Variants in GTF2IRD1 observed in about 807,000 individuals in gnomAD.
The protein encoded by GTF2IRD1 is general transcription factor II-I repeat domain-containing protein 1.
A neutral mutation model predicts 113.2 loss-of-function variants in GTF2IRD1; 26 were observed. That is an observed-to-expected ratio of 0.23 (90% CI 0.17 to 0.32). The LOEUF (loss-of-function observed/expected upper bound fraction) is 0.32, where lower values mean the gene tolerates loss of function less well. Ranked by LOEUF, GTF2IRD1 falls within the 10% of genes least tolerant of loss-of-function variation. The pLI is 1.00. For synonymous variants in GTF2IRD1, 484 were observed against 529.1 expected (o/e 0.91, Z 1.17); for missense variants, 864 against 1,280.8 (o/e 0.67, Z 4.97).
chr7:74,536,972 G>A lies in GTF2IRD1; in HGVS notation c.1409+697G>A, dbSNP rs1180937467. On this transcript the variant is annotated intron_variant, in intron 11 of 26. Transcript: ENST00000424337. ...ACAAAAAATAAAAAGTTAGCTGGGC[G>A]TGGTGGCTGGTACCTGTGGTCCCAG... is the stretch of plus-strand genomic sequence containing the variant. Among the ~76,000 whole-genome samples the A allele has an allele frequency of 7.9e-5, 12 of 152,196 alleles. No individual in the cohort carries two copies. The South Asian group carries it at 2.1e-3, about 26-fold the overall frequency.
intron 1 of GTF2IRD1, among the ~76,000 whole-genome samples, chr7:74,498,359 T>C (rs1233356789): frequency 6.6e-6 from 1 of 152,178 alleles, no homozygotes; most frequent in Non-Finnish European, 1.5e-5. Context: ...CCCTTACCGA[T>C]ATACTATTTA....
chr7:74,560,090 G>A (rs1351505707), intron 22 of GTF2IRD1, among the ~76,000 whole-genome samples: 1 of 152,174 alleles, frequency 6.6e-6, no homozygotes, highest in Non-Finnish European at 1.5e-5. Context: ...CTAGGCCTCT[G>A]CCCTTCTGTT....
chr7:74,571,007 C>T (rs1419236611), intron 22 of GTF2IRD1: 12 of 741,958 alleles, frequency 1.6e-5, no homozygotes, highest in Admixed American at 1.3e-4. Context: ...TCTCCCCGGA[C>T]CCAGGCCAGC....
At chr7:74,592,471 G>A (rs587678823) in intron 24 of GTF2IRD1, among the ~76,000 whole-genome samples, 108 of 151,146 alleles carry the variant, frequency 7.1e-4, no homozygotes, top group African/African-American at 2.4e-3. Flanking sequence ...CTCCCATGTC[G>A]GCCTTTCAAA....
intron 10 of GTF2IRD1, 107 bp downstream of exon 10, chr7:74,535,245 G>T: frequency 2.4e-6 from 2 of 848,744 alleles, no homozygotes; most frequent in African/African-American, 1.7e-5. Context: ...CTCCCCTCAG[G>T]CAGGGAGGGA....
rs1798547101 is a variant in GTF2IRD1, at chr7:74,540,079, GTAGAGGAAACCCAA to G, written c.1618+114_1618+127del. The stretch of plus-strand genomic sequence containing the variant: ...TGTTTCTTGGTGTCAGCCGTCTGTA[GTAGAGGAAACCCAA>G]TATATGCCTGACCCTAATCCAAGGC... On this transcript the variant is annotated intron_variant, in intron 14 of 26. Transcript: ENST00000424337. The G allele has an allele frequency of 5.4e-6, 4 of 741,430 alleles. No homozygotes were observed. The Admixed American group carries it at 9.1e-5, about 17-fold the overall frequency. The allele number at this position is 741,430 out of a possible 1,614,324, so 45.9% of individuals were successfully genotyped here.
At chr7:74,576,090 G>A (rs1801039952) in intron 22 of GTF2IRD1, among the ~76,000 whole-genome samples, 1 of 152,030 alleles carries the variant, frequency 6.6e-6, no homozygotes, top group Non-Finnish European at 1.5e-5. Flanking sequence ...GAGCTCAGGA[G>A]GTCAGGCTGC....
chr7:74,579,845 G>A (rs1200695433), intron 22 of GTF2IRD1, among the ~76,000 whole-genome samples: 1 of 152,072 alleles, frequency 6.6e-6, no homozygotes, highest in African/African-American at 2.4e-5. Flanking sequence ...GGCAGGCTGT[G>A]GTAGGGGATG....
At chr7:74,462,628 C>T (rs1554329644) in intron 1 of GTF2IRD1, among the ~76,000 whole-genome samples, 1 of 152,152 alleles carries the variant, frequency 6.6e-6, no homozygotes, top group African/African-American at 2.4e-5. Context: ...AGCTCGGGAC[C>T]CCCCAGAAGA....
rs1797858348 is a variant in GTF2IRD1 at position 74,529,904 on chromosome 7, TTCA to T, written c.1266_1268del (p.Ile423del). 6.2e-7 allele frequency: 1 copy of T among 1,613,148 alleles called. No homozygotes were observed. Among genetic ancestry groups the T allele is most frequent in the South Asian group, 1.1e-5 (1 of 91,070 alleles). On this transcript the variant is annotated inframe_deletion, in exon 9 of 27. Coordinates refer to ENST00000424337, the MANE Select transcript of GTF2IRD1 (RefSeq NM_005685.4). ...CCTGGAGGAGCGCCATAGTATCCAC[TTCA>T]TCATTAAGAGGTGCGGGTGGGGCTG...
Position 74,512,757 on chromosome 7 carries a change from C to T in GTF2IRD1, c.124-73C>T, listed in dbSNP as rs2130119719. On this transcript the variant is annotated intron_variant, in intron 2 of 26. Coordinates refer to ENST00000424337, the MANE Select transcript of GTF2IRD1 (RefSeq NM_005685.4). This position sits in a 1 kb window ranked among gnomAD's most constrained non-coding sequence, Gnocchi z 4.4. Reference sequence around the variant, plus strand: ...CAGGCAGCTGGGAGCTCACATCCCACCCCCGAAGTGGATACTAGAGGTGTT... The same window carrying T: ...CAGGCAGCTGGGAGCTCACATCCCATCCCCGAAGTGGATACTAGAGGTGTT... 2.1e-6 allele frequency: 3 copies of T among 1,454,134 alleles called. No homozygotes were observed. The highest frequency in any genetic ancestry group is 2.3e-5 in the East Asian group (1 of 43,560). 90.1% of individuals were successfully genotyped at this position (1,454,134 alleles called of 1,614,324 possible).
At chr7:74,544,334 C>T (rs1367361892) in intron 14 of GTF2IRD1, among the ~76,000 whole-genome samples, 1 of 152,046 alleles carries the variant, frequency 6.6e-6, no homozygotes, top group Non-Finnish European at 1.5e-5. Flanking sequence ...TACAGGCATG[C>T]GCCACCATGC....
At chr7:74,529,138 C>T (rs1310007577) in intron 8 of GTF2IRD1, among the ~76,000 whole-genome samples, 2 of 151,646 alleles carry the variant, frequency 1.3e-5, no homozygotes, top group African/African-American at 2.4e-5. Flanking sequence ...ACCAAGGGGG[C>T]GGCAGGGGTA....
At chr7:74,597,164 T>C (rs1802468422) in intron 25 of GTF2IRD1, among the ~76,000 whole-genome samples, 1 of 151,966 alleles carries the variant, frequency 6.6e-6, no homozygotes, top group Admixed American at 6.6e-5. Flanking sequence ...TGCCTCAGTT[T>C]CCCAAGTAGC....
chr7:74,538,634 C>T (rs782756734), intron 12 of GTF2IRD1, 46 bp from the exon 13 acceptor site: 13 of 1,072,246 alleles, frequency 1.2e-5, no homozygotes, highest in Non-Finnish European at 1.3e-5. Flanking sequence ...TCTGCCCAGT[C>T]GGGATCATGC....
chr7:74,484,009 C>T (rs1475785691), intron 1 of GTF2IRD1, among the ~76,000 whole-genome samples: 1 of 152,000 alleles, frequency 6.6e-6, no homozygotes, highest in African/African-American at 2.4e-5. Flanking sequence ...CTCCCAGGTG[C>T]AAAGACCCTC....
chr7:74,480,777 G>C (rs1336634597), intron 1 of GTF2IRD1, among the ~76,000 whole-genome samples: 1 of 152,214 alleles, frequency 6.6e-6, no homozygotes, highest in Non-Finnish European at 1.5e-5. Context: ...CGCCCCGGGG[G>C]ACGGGAGAGA....
intron 1 of GTF2IRD1, among the ~76,000 whole-genome samples, chr7:74,460,638 G>A (rs1015164458): frequency 1.4e-5 from 2 of 147,094 alleles, no homozygotes; most frequent in African/African-American, 2.5e-5. Flanking sequence ...CCTGAGGGGT[G>A]CCCAGGGATC....
rs371603927 is a variant in GTF2IRD1, at chr7:74,566,483, C to T, written c.2320+6828C>T. 4.2e-3 allele frequency among the ~76,000 whole-genome samples: 638 copies of T among 152,342 alleles called. 3 individuals carry two copies. The highest frequency in any genetic ancestry group is 0.015 in the African/African-American group (614 of 41,580). ...TCAGCCTCCCAAGTAGCTGGGATTA[C>T]AGGTGCCCGCCACCATGCCAGGCTA... On this transcript the variant is annotated intron_variant, in intron 22 of 26. Transcript: ENST00000424337.
Sources: allele counts gnomAD v4.1 joint callset (sites outside exome capture counted in the v4.1 genomes callset), GRCh38; gene constraint gnomAD v4.1.1; non-coding constraint Gnocchi (gnomAD v3.1); transcripts MANE v1.5; gene names NCBI Gene and HGNC (gene_info 2026-07-23, HGNC 2026-07-21).